The following NSMCE2 variants were observed in gnomAD, a reference collection of about 807,000 sequenced individuals.
NSMCE2 encodes E3 SUMO-protein ligase NSE2.
In NSMCE2, 24 loss-of-function variants were observed where a neutral mutation model predicts 23.8. That is an observed-to-expected ratio of 1.01 (90% CI 0.73 to 1.42). The LOEUF is 1.42. Ranked by LOEUF, NSMCE2 falls within the 40% of genes most tolerant of loss-of-function variation. NSMCE2 has a pLI of 0.00. For synonymous variants in NSMCE2, 92 were observed against 94.1 expected, an observed-to-expected ratio of 0.98 and a Z score of 0.13; for missense variants, 284 against 296.5, an observed-to-expected ratio of 0.96 and a Z score of 0.31.
Position 125,180,006 on chromosome 8 carries a change from G to T in NSMCE2, c.265-2097G>T, listed in dbSNP as rs1445930256. 3.3e-5 allele frequency among the ~76,000 whole-genome samples: 5 copies of T among 152,320 alleles called. No homozygotes were observed. In the South Asian group the frequency reaches 8.3e-4, roughly 25 times the overall value. ...AATGTTACCATTAACATCTTAGGTG[G>T]ATGTGAGTCCATTTTATTTTATAAA... On this transcript the variant is annotated intron_variant, in intron 4 of 7. Transcript: ENST00000287437.
At chr8:125,246,602 T>C (rs1313464063) in intron 5 of NSMCE2, among the ~76,000 whole-genome samples, 1 of 152,206 alleles carries the variant, frequency 6.6e-6, no homozygotes, top group African/African-American at 2.4e-5. Flanking sequence ...ATTCCAGACA[T>C]ATTTATCACT....
intron 3 of NSMCE2, among the ~76,000 whole-genome samples, chr8:125,146,986 C>T (rs1254736094): frequency 2.0e-5 from 3 of 152,154 alleles, no homozygotes; most frequent in East Asian, 1.9e-4. Flanking sequence ...TAACAGTGTT[C>T]CCTAATTGTT....
rs373038631 is a variant in NSMCE2 at position 125,327,298 on chromosome 8, CA to C, written c.419-29917del. On this transcript the variant is annotated intron_variant, in intron 5 of 7. Transcript: ENST00000287437. ...AAAAAAAAAAAAAAGAGAGAGAAAC[CA>C]AAATTGGGAACTATAATTGAAATAT... is the stretch of plus-strand genomic sequence containing the variant. Among the ~76,000 whole-genome samples, 723 of 148,826 alleles carry C rather than the reference CA, an allele frequency of 4.9e-3. 5 individuals carry two copies. Among genetic ancestry groups the C allele is most frequent in the African/African-American group, 0.017 (695 of 40,222 alleles).
intron 4 of NSMCE2, among the ~76,000 whole-genome samples, chr8:125,177,976 T>G (rs537053156): frequency 6.6e-6 from 1 of 152,270 alleles, no homozygotes; most frequent in Non-Finnish European, 1.5e-5. Flanking sequence ...TTAAATATCT[T>G]GGAGGCATCA....
intron 5 of NSMCE2, among the ~76,000 whole-genome samples, chr8:125,332,079 G>A (rs1829902325): frequency 6.6e-6 from 1 of 152,110 alleles, no homozygotes; most frequent in Non-Finnish European, 1.5e-5. Flanking sequence ...TATGAAAACT[G>A]GCTTTTCAAG....
At chr8:125,232,591 A>T (rs1373388403) in intron 5 of NSMCE2, among the ~76,000 whole-genome samples, 2 of 152,150 alleles carry the variant, frequency 1.3e-5, no homozygotes. Flanking sequence ...TTAGGTAAGA[A>T]GGAAATTATG....
At chr8:125,160,158 C>T (rs191692464) in intron 4 of NSMCE2, among the ~76,000 whole-genome samples, 56 of 152,248 alleles carry the variant, frequency 3.7e-4, no homozygotes, top group African/African-American at 1.3e-3. Context: ...CTTTCATGCA[C>T]TCTAACTCTG....
At chr8:125,259,428 G>A (rs932864719) in intron 5 of NSMCE2, among the ~76,000 whole-genome samples, 1 of 152,144 alleles carries the variant, frequency 6.6e-6, no homozygotes, top group Non-Finnish European at 1.5e-5. Flanking sequence ...GAGCCCTATT[G>A]GTTGTGCACT....
At chr8:125,178,977 G>A (rs1174518656) in intron 4 of NSMCE2, among the ~76,000 whole-genome samples, 3 of 152,082 alleles carry the variant, frequency 2.0e-5, no homozygotes, top group Admixed American at 6.5e-5. Context: ...CTGTGTAGAG[G>A]GAAGACCATT....
At chr8:125,292,578 A>G (rs1375574424) in intron 5 of NSMCE2, among the ~76,000 whole-genome samples, 2 of 152,164 alleles carry the variant, frequency 1.3e-5, no homozygotes, top group Non-Finnish European at 2.9e-5. Flanking sequence ...CCTATGGGAA[A>G]CATGAAAAAG....
At chr8:125,255,583 G>A (rs1826371261) in intron 5 of NSMCE2, among the ~76,000 whole-genome samples, 1 of 152,138 alleles carries the variant, frequency 6.6e-6, no homozygotes, top group Non-Finnish European at 1.5e-5. Context: ...AACATGGTGT[G>A]CAGAAGGAAT....
chr8:125,125,892 C>G (rs1819495027), intron 3 of NSMCE2, among the ~76,000 whole-genome samples: 1 of 152,136 alleles, frequency 6.6e-6, no homozygotes, highest in African/African-American at 2.4e-5. Context: ...CAGGGTGATA[C>G]TGTGGAGGGT....
chr8:125,161,549 G>A (rs1173026801), intron 4 of NSMCE2, among the ~76,000 whole-genome samples: 2 of 152,092 alleles, frequency 1.3e-5, no homozygotes, highest in Non-Finnish European at 2.9e-5. Flanking sequence ...TGTAATTCCA[G>A]CACTTTGGGA....
intron 5 of NSMCE2, among the ~76,000 whole-genome samples, chr8:125,314,295 T>C (rs1829090563): frequency 6.7e-6 from 1 of 150,150 alleles, no homozygotes; most frequent in South Asian, 2.1e-4. Context: ...TTGTTTTGTT[T>C]TTGTTTTTTG....
chr8:125,365,223 A>G (rs1040167832), intron 7 of NSMCE2, among the ~76,000 whole-genome samples: 3 of 152,000 alleles, frequency 2.0e-5, no homozygotes, highest in Non-Finnish European at 4.4e-5. Context: ...GTTTTGCCCC[A>G]TCGTTTCCCA....
At chr8:125,341,185 G>A (rs1001789718) in intron 5 of NSMCE2, among the ~76,000 whole-genome samples, 1 of 152,132 alleles carries the variant, frequency 6.6e-6, no homozygotes, top group Non-Finnish European at 1.5e-5. Context: ...GATGCTGCGG[G>A]AGGGGCACTC....
intron 5 of NSMCE2, among the ~76,000 whole-genome samples, chr8:125,185,939 C>G (rs1823075258): frequency 6.6e-6 from 1 of 152,142 alleles, no homozygotes; most frequent in African/African-American, 2.4e-5. Flanking sequence ...AAAATTTTGT[C>G]TCACACATTG....
chr8:125,157,129 A>G (rs1821364635), intron 4 of NSMCE2, among the ~76,000 whole-genome samples: 1 of 152,186 alleles, frequency 6.6e-6, no homozygotes, highest in Non-Finnish European at 1.5e-5. Context: ...ACAAAAGAAG[A>G]AGGAGGGGGA....
intron 5 of NSMCE2, among the ~76,000 whole-genome samples, chr8:125,336,721 T>A (rs995497912): frequency 6.6e-6 from 1 of 152,266 alleles, no homozygotes; most frequent in African/African-American, 2.4e-5. Flanking sequence ...TTTAATTCTC[T>A]CTTTGGAGAA....
Sources: allele counts gnomAD v4.1 joint callset (sites outside exome capture counted in the v4.1 genomes callset), GRCh38; gene constraint gnomAD v4.1.1; transcripts MANE v1.5; gene names NCBI Gene and HGNC (gene_info 2026-07-23, HGNC 2026-07-21).